Variants in LPIN1 observed in about 807,000 individuals in gnomAD.
LPIN1 encodes lipin 1, also known as phosphatidate phosphatase LPIN1.
In LPIN1, 71 loss-of-function variants were observed where a neutral mutation model predicts 107.5. The ratio of observed to expected loss-of-function variants is 0.66; its 90% CI spans 0.55 to 0.80. The LOEUF (loss-of-function observed/expected upper bound fraction) is 0.80. Ranked by LOEUF, LPIN1 falls within the 30% of genes least tolerant of loss-of-function variation. The probability of loss-of-function intolerance (pLI) is 0.00; values close to 1 mark genes in which losing one functional copy is unlikely to be tolerated. For synonymous variants in LPIN1, 445 were observed against 452.6 expected (o/e 0.98, Z 0.21); for missense variants, 1,043 against 1,160.6 (o/e 0.90, Z 1.47).
intron 20 of LPIN1, among the ~76,000 whole-genome samples, chr2:11,822,640 A>G (rs1681741220): frequency 6.6e-6 from 1 of 152,168 alleles, no homozygotes; most frequent in Non-Finnish European, 1.5e-5. Context: ...ACCTGCCTCC[A>G]TGATTCAGTT....
intron 1 of LPIN1, among the ~76,000 whole-genome samples, chr2:11,702,631 G>A (rs1158702356): frequency 6.6e-6 from 1 of 152,176 alleles, no homozygotes; most frequent in Non-Finnish European, 1.5e-5. Flanking sequence ...ATGCCCAGGA[G>A]GCTTTTTGCA....
intron 1 of LPIN1, among the ~76,000 whole-genome samples, chr2:11,706,145 C>T (rs1196871540): frequency 1.3e-5 from 2 of 152,178 alleles, no homozygotes; most frequent in Non-Finnish European, 2.9e-5. Context: ...TTCATTAAAC[C>T]CTTTTCTTTT....
At chr2:11,809,175 A>C (rs1679226970) in intron 17 of LPIN1, among the ~76,000 whole-genome samples, 1 of 152,212 alleles carries the variant, frequency 6.6e-6, no homozygotes, top group Non-Finnish European at 1.5e-5. Flanking sequence ...TGTTGCCTAA[A>C]AGATCTAGAT....
chr2:11,779,541 A>G lies in LPIN1; in HGVS notation c.853A>G (p.Thr285Ala). ...AAGTCCTTCCGGTTCCCGACCTTCAACACCTAAAAGTGATTCAGAATTGGT... is the reference window on the plus strand; with the variant it reads ...AAGTCCTTCCGGTTCCCGACCTTCAGCACCTAAAAGTGATTCAGAATTGGT... ...SESPSGSRPS[T>A]PKSDSELVSK... Residue 285 changes from threonine to alanine, a missense_variant, in exon 7 of 21, where the codon ACA becomes GCA. Transcript: ENST00000674199. The G allele has an allele frequency of 6.2e-7, 1 of 1,613,936 alleles. No homozygotes were observed. The highest frequency in any genetic ancestry group is 8.5e-7 in the Non-Finnish European group (1 of 1,180,010).
intron 1 of LPIN1, among the ~76,000 whole-genome samples, chr2:11,758,941 C>T (rs930595539): frequency 6.6e-5 from 10 of 152,128 alleles, no homozygotes; most frequent in African/African-American, 2.4e-4. Flanking sequence ...AGCAGAGCAA[C>T]GATTCAGTTA....
At chr2:11,775,038 T>C (rs1455088686) in intron 5 of LPIN1, among the ~76,000 whole-genome samples, 2 of 152,192 alleles carry the variant, frequency 1.3e-5, no homozygotes, top group Non-Finnish European at 1.5e-5. Context: ...CAAAATATCA[T>C]TTCAACAAGC....
intron 1 of LPIN1, among the ~76,000 whole-genome samples, chr2:11,757,790 C>T (rs939157347): frequency 2.1e-5 from 3 of 145,030 alleles, no homozygotes; most frequent in African/African-American, 5.4e-5. Flanking sequence ...AATTTTCTCT[C>T]TCCCCAATTC....
At chr2:11,758,491 C>T (rs1378974339) in intron 1 of LPIN1, among the ~76,000 whole-genome samples, 1 of 152,008 alleles carries the variant, frequency 6.6e-6, no homozygotes, top group Non-Finnish European at 1.5e-5. Flanking sequence ...TGGTGGTATT[C>T]ACCCTTTTAA....
At chr2:11,759,181 CTTTCTTTCT>C (rs1446300941) in intron 1 of LPIN1, among the ~76,000 whole-genome samples, 373 of 132,530 alleles carry the variant, frequency 2.8e-3, no homozygotes, top group African/African-American at 0.01. Flanking sequence ...TTCTTTCTTT[CTTTCTTTCT>C]TTTCTTTCTT....
At chr2:11,770,145 A>G (rs1009450425) in intron 3 of LPIN1, among the ~76,000 whole-genome samples, 1 of 152,168 alleles carries the variant, frequency 6.6e-6, no homozygotes, top group Non-Finnish European at 1.5e-5. Context: ...TTTAATTTCT[A>G]TTTGTACCTG....
Position 11,795,410 on chromosome 2 carries a change from A to T in LPIN1, c.1809A>T (p.Glu603Asp), listed in dbSNP as rs751908811. 13 of 1,613,478 alleles carry T rather than the reference A, an allele frequency of 8.1e-6. No individual in the cohort carries two copies. The African/African-American group carries it at 1.7e-4, about 22-fold the overall frequency. The change falls in exon 14 of 21, where the codon GAA (glutamate) becomes GAT (aspartate). Residue 603 changes from glutamate to aspartate, a missense_variant and splice_region_variant. Coordinates refer to ENST00000674199, the MANE Select transcript of LPIN1 (RefSeq NM_001349206.2). ...CTCTTTCTTTTCTTCTTTTCTAGGA[A>T]AGTAAGCCAGAGCAGTGCTTGGCTG... The part of the protein sequence containing the change: ...WRGRNTTIKE[E>D]SKPEQCLAGK...
At chr2:11,735,434 A>G (rs1300415507) in intron 1 of LPIN1, among the ~76,000 whole-genome samples, 1 of 152,196 alleles carries the variant, frequency 6.6e-6, no homozygotes, top group Non-Finnish European at 1.5e-5. Flanking sequence ...GGAAAATTCA[A>G]TTTTGCTTTC....
intron 1 of LPIN1, among the ~76,000 whole-genome samples, chr2:11,754,245 T>G: frequency 6.6e-6 from 1 of 152,196 alleles, no homozygotes; most frequent in South Asian, 2.1e-4. Flanking sequence ...CAGAGTGATA[T>G]TAGGTTGGCT....
At chr2:11,733,354 T>C (rs990640245) in intron 1 of LPIN1, among the ~76,000 whole-genome samples, 3 of 152,190 alleles carry the variant, frequency 2.0e-5, no homozygotes, top group Admixed American at 6.5e-5. Context: ...AGTGTGGCAA[T>C]ATGAAAGTGT....
intron 1 of LPIN1, among the ~76,000 whole-genome samples, chr2:11,698,420 G>C (rs11687567): frequency 0.16 from 24,783 of 152,214 alleles, 2,609 homozygotes; most frequent in South Asian, 0.23. Context: ...TCCGGGAAAC[G>C]TAGGAACAGC....
At chr2:11,791,046 G>A (rs1417637619) in intron 12 of LPIN1, among the ~76,000 whole-genome samples, 1 of 152,124 alleles carries the variant, frequency 6.6e-6, no homozygotes, top group Non-Finnish European at 1.5e-5. Flanking sequence ...GTCATTCACA[G>A]CTTTGTCAAT....
chr2:11,721,263 C>CGCGT (rs1553404391), upstream of LPIN1, among the ~76,000 whole-genome samples: 4 of 129,886 alleles, frequency 3.1e-5, no homozygotes, highest in African/African-American at 1.2e-4. Flanking sequence ...GTACTGCATG[C>CGCGT]GTGTGTGTGT....
At chr2:11,767,344 A>T (rs1187423554) in intron 2 of LPIN1, 2 of 214,044 alleles carry the variant, frequency 9.3e-6, no homozygotes, top group Admixed American at 1.1e-4. Flanking sequence ...CTCACCAGCC[A>T]TGTGACCCTG....
intron 1 of LPIN1, among the ~76,000 whole-genome samples, chr2:11,764,574 G>A (rs1246683688): frequency 1.3e-5 from 2 of 152,234 alleles, no homozygotes; most frequent in African/African-American, 2.4e-5. Flanking sequence ...TGTTTGCTAA[G>A]TGGATTGCAG....
Sources: gnomAD v4.1 joint callset for allele counts (sites outside exome capture counted in the v4.1 genomes callset) on GRCh38, gnomAD v4.1.1 for gene constraint, MANE v1.5 for transcripts, NCBI Gene and HGNC (gene_info 2026-07-23, HGNC 2026-07-21) for gene names.